NTM: variants seen among roughly 807,000 people sequenced by gnomAD.
NTM encodes IgLON family member 2.
A neutral mutation model predicts 42.1 loss-of-function variants in NTM; 13 were observed. The ratio of observed to expected loss-of-function variants is 0.31; its 90% CI spans 0.20 to 0.49. The LOEUF is 0.49. Among genes scored for constraint, NTM ranks in the 20% least tolerant of loss-of-function variants. NTM has a pLI of 0.99. For missense variants in NTM, 373 were observed against 452.8 expected (o/e 0.82, Z 1.60); for synonymous variants, 187 against 179.2 (o/e 1.04, Z -0.35).
intron 1 of NTM, among the ~76,000 whole-genome samples, chr11:131,833,869 C>A (rs1408329079): frequency 6.6e-6 from 1 of 152,162 alleles, no homozygotes; most frequent in Non-Finnish European, 1.5e-5. Context: ...TGTTTCAAGA[C>A]TTTATTTTGC....
At chr11:132,294,334 T>G (rs2094545460) in intron 4 of NTM, among the ~76,000 whole-genome samples, 1 of 152,088 alleles carries the variant, frequency 6.6e-6, no homozygotes, top group African/African-American at 2.4e-5. Context: ...TATCAGCTGC[T>G]AACTCCATTG....
intron 2 of NTM, among the ~76,000 whole-genome samples, chr11:131,977,444 T>C (rs1369828633): frequency 6.6e-6 from 1 of 152,154 alleles, no homozygotes; most frequent in Non-Finnish European, 1.5e-5. Context: ...GCTCCACCAA[T>C]CACTCAGGCG....
At chr11:132,134,757 A>ATATCTATCTATCTATC (rs57940839) in intron 2 of NTM, among the ~76,000 whole-genome samples, 1 of 97,326 alleles carries the variant, frequency 1.0e-5, no homozygotes, top group African/African-American at 3.6e-5. Flanking sequence ...ATATATATAT[A>ATATCTATCTATCTATC]TATCTCACAT....
chr11:132,222,503 A>G (rs1436792285), intron 4 of NTM, among the ~76,000 whole-genome samples: 1 of 152,148 alleles, frequency 6.6e-6, no homozygotes, highest in Non-Finnish European at 1.5e-5. Context: ...GGGAGTTGGC[A>G]TTCTTCATCT....
intron 2 of NTM, among the ~76,000 whole-genome samples, chr11:132,021,920 C>T (rs2074404623): frequency 6.6e-6 from 1 of 152,192 alleles, no homozygotes; most frequent in Admixed American, 6.5e-5. Flanking sequence ...GAATATAGGC[C>T]TGACTTGAGC....
chr11:132,062,742 C>A (rs1227713778), intron 2 of NTM, among the ~76,000 whole-genome samples: 1 of 152,180 alleles, frequency 6.6e-6, no homozygotes, highest in Non-Finnish European at 1.5e-5. Flanking sequence ...ATGTGTTCGG[C>A]TCATATGACA....
chr11:131,892,445 A>G (rs2051516472), intron 1 of NTM, among the ~76,000 whole-genome samples: 1 of 152,228 alleles, frequency 6.6e-6, no homozygotes, highest in Non-Finnish European at 1.5e-5. Flanking sequence ...CACTCCTCTC[A>G]GCTGTGTGTA....
chr11:132,204,494 G>A (rs1316181772), intron 3 of NTM, among the ~76,000 whole-genome samples: 1 of 152,182 alleles, frequency 6.6e-6, no homozygotes, highest in Non-Finnish European at 1.5e-5. Flanking sequence ...CAGGCTGGGG[G>A]TTCTCTTGTA....
intron 3 of NTM, among the ~76,000 whole-genome samples, chr11:132,147,206 T>TGAGA (rs1228635472): frequency 7.9e-6 from 1 of 126,024 alleles, no homozygotes; most frequent in African/African-American, 2.9e-5. Flanking sequence ...TGTGTGTGTG[T>TGAGA]GTGTGTGTGA....
At chr11:131,655,449 G>A (rs1029926025) in intron 1 of NTM, among the ~76,000 whole-genome samples, 1 of 152,180 alleles carries the variant, frequency 6.6e-6, no homozygotes, top group African/African-American at 2.4e-5. Flanking sequence ...GAGAAAAACA[G>A]GAAACCTGAA....
At chr11:131,944,311 A>T (rs1335677848) in intron 2 of NTM, among the ~76,000 whole-genome samples, 1 of 152,216 alleles carries the variant, frequency 6.6e-6, no homozygotes, top group Non-Finnish European at 1.5e-5. Context: ...ATATTGCTTT[A>T]GACATAGGAG....
chr11:131,827,223 G>A (rs2042245754), intron 1 of NTM, among the ~76,000 whole-genome samples: 1 of 152,174 alleles, frequency 6.6e-6, no homozygotes, highest in South Asian at 2.1e-4. Flanking sequence ...AACTGCTATA[G>A]AGGTAAAGGC....
At position 131,972,788 on chromosome 11, in the gene NTM, A is replaced by C. The variant is rs184803123; in HGVS notation, c.167+61140A>C. 1.7e-3 allele frequency among the ~76,000 whole-genome samples: 262 copies of C among 152,304 alleles called. 1 individual carries two copies. The highest frequency in any genetic ancestry group is 6.1e-3 in the African/African-American group (254 of 41,562). ...ACATAAACATGTTTTTAAAGATAAA[A>C]AAGAGTGCCACTTACAATCTCATGT... On this transcript the variant is annotated intron_variant, in intron 2 of 8. Transcript: ENST00000683400.
At chr11:131,433,660 G>C (rs899760590) in intron 1 of NTM, among the ~76,000 whole-genome samples, 4 of 152,064 alleles carry the variant, frequency 2.6e-5, no homozygotes, top group Admixed American at 6.6e-5. Context: ...TTCCATGGTG[G>C]CTCTTTAGAA....
At chr11:131,495,196 C>A (rs529653194) in intron 1 of NTM, among the ~76,000 whole-genome samples, 4 of 152,296 alleles carry the variant, frequency 2.6e-5, no homozygotes, top group African/African-American at 9.6e-5. Context: ...TACACATAGC[C>A]GCTAGTTCCC....
intron 4 of NTM, among the ~76,000 whole-genome samples, chr11:132,214,916 A>G (rs1332276481): frequency 6.6e-6 from 1 of 152,218 alleles, no homozygotes; most frequent in Non-Finnish European, 1.5e-5. Flanking sequence ...ATTCAAAATG[A>G]TGAGACATGC....
chr11:132,024,868 A>G (rs589498), intron 2 of NTM, among the ~76,000 whole-genome samples: 137,604 of 152,244 alleles, frequency 0.9, 62,436 homozygotes, highest in East Asian at 1. Context: ...ACACACACCG[A>G]CTACAGGCAC....
At chr11:131,901,765 G>A (rs893218706) in intron 1 of NTM, among the ~76,000 whole-genome samples, 2 of 152,148 alleles carry the variant, frequency 1.3e-5, no homozygotes, top group African/African-American at 4.8e-5. Flanking sequence ...CATGTGTTGT[G>A]GTTTATTCAC....
rs538068460 is a variant in NTM at position 131,557,513 on chromosome 11, G to A, written c.82+186625G>A. Among the ~76,000 whole-genome samples, 13 of 152,268 alleles carry A rather than the reference G, an allele frequency of 8.5e-5. No individual in the cohort carries two copies. The East Asian group carries it at 9.7e-4, about 11-fold the overall frequency. On this transcript the variant is annotated intron_variant, in intron 1 of 8. Coordinates refer to ENST00000683400, the MANE Select transcript of NTM (RefSeq NM_001352005.2). Reference sequence around the variant, plus strand: ...TTTCAACATTAAGTGCCTATTAAGCGCTCTCCTTTCTGGAAGTCTAGGTTC... The same window carrying A: ...TTTCAACATTAAGTGCCTATTAAGCACTCTCCTTTCTGGAAGTCTAGGTTC...
Sources: allele counts gnomAD v4.1 joint callset (sites outside exome capture counted in the v4.1 genomes callset), GRCh38; gene constraint gnomAD v4.1.1; transcripts MANE v1.5; gene names NCBI Gene and HGNC (gene_info 2026-07-23, HGNC 2026-07-21).